SLC41A2: variants seen among roughly 807,000 people sequenced by gnomAD.
The protein encoded by SLC41A2 is SLC41A1-like 1.
In SLC41A2, 32 loss-of-function variants were observed where a neutral mutation model predicts 58.3. The observed-to-expected ratio is 0.55, with a 90% CI of 0.41 to 0.74. The LOEUF is 0.74. Among genes scored for constraint, SLC41A2 ranks in the 30% least tolerant of loss-of-function variants. SLC41A2 has a pLI of 0.00. For missense variants in SLC41A2, 514 were observed against 680.6 expected (o/e 0.76, Z 2.72); for synonymous variants, 190 against 235.0 (o/e 0.81, Z 1.75).
intron 10 of SLC41A2, chr12:104,834,096 A>C (rs1440220403): frequency 6.1e-6 from 6 of 985,290 alleles, no homozygotes; most frequent in Non-Finnish European, 7.2e-6. Context: ...CTCACCTCAC[A>C]GGAATCAAGC....
At chr12:104,821,929 A>G (rs2041653016) in intron 10 of SLC41A2, among the ~76,000 whole-genome samples, 2 of 152,206 alleles carry the variant, frequency 1.3e-5, no homozygotes, top group South Asian at 4.1e-4. Context: ...ATTTTAAAAG[A>G]TATCATCATT....
intron 4 of SLC41A2, among the ~76,000 whole-genome samples, chr12:104,892,220 G>A (rs372584817): frequency 4.6e-5 from 7 of 151,346 alleles, no homozygotes; most frequent in African/African-American, 7.3e-5. Context: ...CTCAGGAGGC[G>A]GAGGCTGTAG....
chr12:104,878,289 T>C (rs1294302953), intron 6 of SLC41A2, among the ~76,000 whole-genome samples: 1 of 120,474 alleles, frequency 8.3e-6, no homozygotes, highest in African/African-American at 3.3e-5. Context: ...GCAAATAATA[T>C]ACCTGTATTT....
intron 6 of SLC41A2, among the ~76,000 whole-genome samples, chr12:104,879,861 C>T (rs2044272186): frequency 6.6e-6 from 1 of 151,792 alleles, no homozygotes; most frequent in South Asian, 2.1e-4. Flanking sequence ...ATGGGAATGG[C>T]ATCCCCATCA....
intron 3 of SLC41A2, among the ~76,000 whole-genome samples, chr12:104,897,917 G>T (rs1402315061): frequency 1.3e-5 from 2 of 152,152 alleles, no homozygotes; most frequent in Non-Finnish European, 2.9e-5. Flanking sequence ...AGCCATCTAA[G>T]TTTTTTCTAA....
chr12:104,859,466 TG>T (rs1193861317), intron 8 of SLC41A2, among the ~76,000 whole-genome samples: 1 of 152,114 alleles, frequency 6.6e-6, no homozygotes, highest in African/African-American at 2.4e-5. Context: ...ATTGAGCAAG[TG>T]AACTGTGTTA....
chr12:104,911,901 T>C (rs1001597368), intron 2 of SLC41A2, among the ~76,000 whole-genome samples: 21 of 152,240 alleles, frequency 1.4e-4, no homozygotes, highest in African/African-American at 5.1e-4. Flanking sequence ...TATGATGGGC[T>C]AACAATTCTG....
rs2136172597 is a variant in SLC41A2 at position 104,803,921 on chromosome 12, C to CTTGA, written c.*1227_*1230dup. On this transcript the variant is annotated 3_prime_UTR_variant, in exon 11 of 11. Transcript: ENST00000258538. ...CACTTGCTCATTTTAAATCTCCTAT[C>CTTGA]TTGATTATATTAAATAGTACTACTT... 1 of 151,802 alleles carries CTTGA rather than the reference C, an allele frequency of 6.6e-6. No individual in the cohort carries two copies. The highest frequency in any genetic ancestry group is 2.1e-4 in the South Asian group (1 of 4,810). 9.4% of individuals were successfully genotyped at this position (151,802 alleles called of 1,614,324 possible).
At position 104,886,366 on chromosome 12, in the gene SLC41A2, A is replaced by G; in HGVS notation, c.954T>C (p.Ile318=). The part of the protein sequence containing the change: ...GINPDNVATP[I]AASFGDLITL... ...TTATAAGGTCGCCAAAACTAGCAGC[A>G]ATGGGTGTAGCAACATTATCAGGAT... The change falls in exon 6 of 11, where the codon ATT becomes ATC. Residue 318 remains isoleucine (I), a synonymous_variant. Transcript: ENST00000258538. 6.2e-7 allele frequency: 1 copy of G among 1,613,730 alleles called. No homozygotes were observed.
At chr12:104,923,863 A>C (rs1268400177) in intron 2 of SLC41A2, among the ~76,000 whole-genome samples, 1 of 152,230 alleles carries the variant, frequency 6.6e-6, no homozygotes, top group Non-Finnish European at 1.5e-5. Flanking sequence ...TGTAAGAGCA[A>C]AACAGCAAAG....
chr12:104,932,516 T>C (rs1565912502), intron 1 of SLC41A2, among the ~76,000 whole-genome samples: 1 of 150,670 alleles, frequency 6.6e-6, no homozygotes, highest in Non-Finnish European at 1.5e-5. Flanking sequence ...TCCCAGCTAC[T>C]CGGGAGGCTG....
At chr12:104,840,718 T>C (rs1295644707) in intron 10 of SLC41A2, among the ~76,000 whole-genome samples, 1 of 152,190 alleles carries the variant, frequency 6.6e-6, no homozygotes, top group African/African-American at 2.4e-5. Flanking sequence ...AAACCACATT[T>C]GATAGCTTCC....
At chr12:104,903,339 G>A (rs933202828) in intron 3 of SLC41A2, among the ~76,000 whole-genome samples, 7 of 152,128 alleles carry the variant, frequency 4.6e-5, no homozygotes, top group Non-Finnish European at 1.0e-4. Context: ...TCACAAACTA[G>A]GCAAATCCGT....
intron 1 of SLC41A2, among the ~76,000 whole-genome samples, chr12:104,955,670 T>A (rs1168916689): frequency 2.0e-5 from 3 of 152,176 alleles, no homozygotes; most frequent in Admixed American, 2.0e-4. Flanking sequence ...TATCATCGAA[T>A]AATCTTTTTC....
chr12:104,846,610 G>C (rs1453734599), intron 8 of SLC41A2, among the ~76,000 whole-genome samples: 2 of 152,220 alleles, frequency 1.3e-5, no homozygotes, highest in Non-Finnish European at 2.9e-5. Context: ...ATTGGGGACA[G>C]AGCAAGAGAA....
intron 1 of SLC41A2, among the ~76,000 whole-genome samples, chr12:104,935,398 T>C (rs1394697781): frequency 6.6e-6 from 1 of 152,226 alleles, no homozygotes; most frequent in Non-Finnish European, 1.5e-5. Flanking sequence ...ATGTATATGT[T>C]AGTTATCTTG....
chr12:104,916,067 T>C (rs1326370723), intron 2 of SLC41A2, among the ~76,000 whole-genome samples: 2 of 152,180 alleles, frequency 1.3e-5, no homozygotes, highest in Non-Finnish European at 2.9e-5. Context: ...TATGCTGGAT[T>C]ACATTTATTG....
intron 10 of SLC41A2, among the ~76,000 whole-genome samples, chr12:104,806,700 A>G (rs2136185106): frequency 6.6e-6 from 1 of 151,874 alleles, no homozygotes; most frequent in South Asian, 2.1e-4. Flanking sequence ...AAGTGTTCCT[A>G]TTTCTCCACA....
intron 8 of SLC41A2, among the ~76,000 whole-genome samples, chr12:104,859,712 T>C (rs773612065): frequency 6.6e-5 from 10 of 152,160 alleles, no homozygotes; most frequent in Non-Finnish European, 1.5e-4. Flanking sequence ...TTATATGTCA[T>C]ATATATTTTT....
Sources: allele counts gnomAD v4.1 joint callset (sites outside exome capture counted in the v4.1 genomes callset), GRCh38; gene constraint gnomAD v4.1.1; transcripts MANE v1.5; gene names NCBI Gene and HGNC (gene_info 2026-07-23, HGNC 2026-07-21).